MTUS2: variants seen among roughly 807,000 people sequenced by gnomAD.
MTUS2 encodes the protein microtubule-associated tumor suppressor candidate 2.
In MTUS2, 40 loss-of-function variants were observed where a neutral mutation model predicts 114.1. That is an observed-to-expected ratio of 0.35 (90% CI 0.27 to 0.46). The LOEUF is 0.46. MTUS2 is among the 20% of genes least tolerant of loss of function. MTUS2 has a pLI of 1.00. For missense variants in MTUS2, 1,679 were observed against 1,705.4 expected (o/e 0.98, Z 0.27); for synonymous variants, 688 against 672.0 (o/e 1.02, Z -0.37).
intron 2 of MTUS2, among the ~76,000 whole-genome samples, chr13:28,966,801 G>C (rs368681966): frequency 6.6e-6 from 1 of 151,152 alleles, no homozygotes; most frequent in Non-Finnish European, 1.5e-5. Context: ...AAGGTTTAGC[G>C]TTGCAAACCT....
intron 6 of MTUS2, among the ~76,000 whole-genome samples, chr13:29,309,789 T>C (rs1201100832): frequency 2.0e-5 from 3 of 152,146 alleles, no homozygotes; most frequent in African/African-American, 7.2e-5. Context: ...TTTTTGTGTG[T>C]ACATAGTAGG....
chr13:28,943,123 T>TG (rs1438899067), intron 2 of MTUS2, among the ~76,000 whole-genome samples: 1 of 152,190 alleles, frequency 6.6e-6, no homozygotes. Context: ...GAATGTGATC[T>TG]GGGGCAAGTT....
intron 8 of MTUS2, among the ~76,000 whole-genome samples, chr13:29,404,188 A>AT (rs1386458974): frequency 6.6e-6 from 1 of 151,020 alleles, no homozygotes; most frequent in Non-Finnish European, 1.5e-5. Context: ...AAAAAAAAAA[A>AT]AAAAGTACAA....
intron 5 of MTUS2, among the ~76,000 whole-genome samples, chr13:29,265,890 G>A (rs576027077): frequency 6.6e-6 from 1 of 152,242 alleles, no homozygotes; most frequent in Admixed American, 6.5e-5. Context: ...AGATTTGGTG[G>A]GGCACACATC....
intron 4 of MTUS2, among the ~76,000 whole-genome samples, chr13:29,092,033 C>T (rs1889976065): frequency 6.6e-6 from 1 of 152,202 alleles, no homozygotes; most frequent in African/African-American, 2.4e-5. Context: ...AGATGAACCT[C>T]AGCCAAAAAT....
chr13:29,234,124 A>G (rs1395644707), intron 5 of MTUS2, among the ~76,000 whole-genome samples: 1 of 152,196 alleles, frequency 6.6e-6, no homozygotes, highest in African/African-American at 2.4e-5. Context: ...TTCCATTATA[A>G]TGATAATATG....
intron 2 of MTUS2, among the ~76,000 whole-genome samples, chr13:28,962,974 A>G (rs1883397970): frequency 6.6e-6 from 1 of 152,168 alleles, no homozygotes; most frequent in Non-Finnish European, 1.5e-5. Context: ...ATCATTTCCA[A>G]ACAACTCATA....
chr13:28,967,049 T>G (rs1883628020), intron 2 of MTUS2, among the ~76,000 whole-genome samples: 1 of 152,168 alleles, frequency 6.6e-6, no homozygotes, highest in African/African-American at 2.4e-5. Flanking sequence ...ACACTGGACA[T>G]CATTAACTAC....
chr13:29,044,127 A>G (rs960911940), intron 4 of MTUS2, among the ~76,000 whole-genome samples: 1 of 151,840 alleles, frequency 6.6e-6, no homozygotes, highest in Admixed American at 6.6e-5. Flanking sequence ...ACTTCTTTTA[A>G]CATTTATTGT....
intron 5 of MTUS2, among the ~76,000 whole-genome samples, chr13:29,170,880 T>C (rs370811591): frequency 6.6e-4 from 97 of 146,072 alleles, no homozygotes; most frequent in African/African-American, 2.3e-3. Flanking sequence ...TTAGACACCA[T>C]TGATAAAAAC....
chr13:29,249,115 G>A (rs747900049), intron 5 of MTUS2, among the ~76,000 whole-genome samples: 27 of 152,210 alleles, frequency 1.8e-4, no homozygotes, highest in African/African-American at 6.5e-4. Context: ...AGCTTCCCAA[G>A]TAGCTGGGAC....
chr13:29,204,651 G>A (rs1203945312), intron 5 of MTUS2, among the ~76,000 whole-genome samples: 1 of 152,216 alleles, frequency 6.6e-6, no homozygotes, highest in Non-Finnish European at 1.5e-5. Context: ...TCTGGGCTCA[G>A]GGCAGCACCC....
chr13:29,321,060 A>G (rs1900233287), intron 6 of MTUS2, among the ~76,000 whole-genome samples: 1 of 152,204 alleles, frequency 6.6e-6, no homozygotes, highest in African/African-American at 2.4e-5. Context: ...ATAGATAAGC[A>G]GTAATGTCTA....
In MTUS2 at chr13:29,025,327, CTGGGGG is replaced by C. The variant is rs753872384; in HGVS notation, c.635_640del (p.Gly212_Gly213del). On this transcript the variant is annotated inframe_deletion, in exon 3 of 16. Transcript: ENST00000612955. The stretch of plus-strand genomic sequence containing the variant: ...TCCCGGGAAGCACGGGGTCAGATAC[CTGGGGG>C]TGGGGAGGGGCCACAGAAGACATTG... 1 of 1,613,846 alleles carries C rather than the reference CTGGGGG, an allele frequency of 6.2e-7. No individual in the cohort carries two copies. Among genetic ancestry groups the C allele is most frequent in the East Asian group, 2.2e-5 (1 of 44,868 alleles).
rs568019888 is a variant in MTUS2, at chr13:29,505,683, G to C, written c.*2477G>C. On this transcript the variant is annotated 3_prime_UTR_variant, in exon 16 of 16. Transcript: ENST00000612955. ...TTCGGATGCTGCAGCCTCTGCACCTGCCTCAGACAGACCCACCAGATACCA... is the reference window on the plus strand; with the variant it reads ...TTCGGATGCTGCAGCCTCTGCACCTCCCTCAGACAGACCCACCAGATACCA... 3 of 230,326 alleles carry C rather than the reference G, an allele frequency of 1.3e-5. No individual in the cohort carries two copies. The highest frequency in any genetic ancestry group is 6.6e-5 in the African/African-American group (3 of 45,278). 14.3% of individuals were successfully genotyped at this position (230,326 alleles called of 1,614,324 possible). A position where few individuals can be genotyped will look rare whatever the true frequency, so the allele number is the denominator to read the frequency against.
At chr13:29,134,016 G>A (rs143878374) in intron 5 of MTUS2, among the ~76,000 whole-genome samples, 47 of 152,162 alleles carry the variant, frequency 3.1e-4, no homozygotes, top group African/African-American at 1.0e-3. Flanking sequence ...TTTATTGTAA[G>A]CACATATGGC....
At chr13:28,927,077 A>G (rs1881365452) in intron 2 of MTUS2, among the ~76,000 whole-genome samples, 1 of 152,234 alleles carries the variant, frequency 6.6e-6, no homozygotes, top group Admixed American at 6.5e-5. Context: ...GGATATAACC[A>G]GGTGCTATAG....
Position 29,026,203 on chromosome 13 carries a change from T to A in MTUS2, c.1505T>A (p.Val502Asp), listed in dbSNP as rs199993580. Residue 502 changes from valine (V) to aspartate (D), a missense_variant, in exon 3 of 16, where the codon GTC becomes GAC. Around this residue, in one of 3 missense-constraint regions of MTUS2, gnomAD observed 843 missense variants for 770.8 expected, o/e 1.09. Coordinates refer to ENST00000612955, the MANE Select transcript of MTUS2 (RefSeq NM_001033602.4). ...GRSEARESKE[V>D]TTSVAENRNL... is the part of the protein sequence containing the mutation. ...TCAGAAGCACGGGAAAGCAAAGAGGTCACCACATCTGTTGCTGAAAACAGG... is the reference window on the plus strand; with the variant it reads ...TCAGAAGCACGGGAAAGCAAAGAGGACACCACATCTGTTGCTGAAAACAGG... 580 of 1,613,582 alleles carry A rather than the reference T, an allele frequency of 3.6e-4. No individual in the cohort carries two copies. Among genetic ancestry groups the A allele is most frequent in the Admixed American group, 4.5e-4 (27 of 59,980 alleles).
intron 2 of MTUS2, among the ~76,000 whole-genome samples, chr13:28,946,184 T>C (rs327129): frequency 0.72 from 109,945 of 152,100 alleles, 44,183 homozygotes; most frequent in Non-Finnish European, 0.9. Context: ...TAGAAGTAAC[T>C]AGCATGTAGA....
Sources: allele counts gnomAD v4.1 joint callset (sites outside exome capture counted in the v4.1 genomes callset), GRCh38; gene constraint gnomAD v4.1.1; regional missense constraint gnomAD v4.1.1; transcripts MANE v1.5; gene names NCBI Gene and HGNC (gene_info 2026-07-23, HGNC 2026-07-21).